ESAM: variants seen among roughly 807,000 people sequenced by gnomAD.
ESAM encodes endothelial cell-selective adhesion molecule.
A neutral mutation model predicts 31.8 loss-of-function variants in ESAM; 23 were observed. The ratio of observed to expected loss-of-function variants is 0.72; its 90% CI spans 0.52 to 1.03. ESAM has a LOEUF of 1.03. Among genes scored for constraint, ESAM ranks in the 50% least tolerant of loss-of-function variants. The pLI is 0.00. For synonymous variants in ESAM, 216 were observed against 207.2 expected (o/e 1.04, Z -0.37); for missense variants, 478 against 488.9 (o/e 0.98, Z 0.21).
chr11:124,762,195 G>C lies in ESAM; in HGVS notation c.-41C>G, dbSNP rs771512227. On this transcript the variant is annotated 5_prime_UTR_variant, in exon 1 of 7. Transcript: ENST00000278927. The surrounding 1 kb of genome is among the most constrained non-coding windows in gnomAD (Gnocchi z 6.4). ...GGACGGAGTCAGGGGCGCCAGCCGC[G>C]GGACGCACGGACCTGCAGGTGCCGA... is the stretch of plus-strand genomic sequence containing the variant. 6.5e-6 allele frequency: 10 copies of C among 1,532,664 alleles called. No individual in the cohort carries two copies. The highest frequency in any genetic ancestry group is 6.2e-6 in the Non-Finnish European group (7 of 1,125,836). 94.9% of individuals were successfully genotyped at this position (1,532,664 alleles called of 1,614,324 possible).
chr11:124,753,852 G>A lies in ESAM; in HGVS notation c.967C>T (p.His323Tyr), dbSNP rs762607667. The A allele has an allele frequency of 1.9e-5, 30 of 1,613,698 alleles. No individual in the cohort carries two copies. The Admixed American group carries it at 5.0e-4, about 27-fold the overall frequency. Residue 323 changes from histidine to tyrosine, a missense_variant, in exon 7 of 7, where the codon CAT becomes TAT. Coordinates refer to ENST00000278927, the MANE Select transcript of ESAM (RefSeq NM_138961.3). ...AATGCACCAGGCCTGGGAGGGCCAT[G>A]GGGTGGCCGGAGGGCTCGTGCGGAG... is the stretch of plus-strand genomic sequence containing the variant. ...VTSARALRPP[H>Y]GPPRPGALTP...
chr11:124,759,515 G>A lies in ESAM; in HGVS notation c.71-988C>T, dbSNP rs1052909484. 1.1e-4 allele frequency: 17 copies of A among 152,504 alleles called. No individual in the cohort carries two copies. The South Asian group carries it at 3.5e-3, about 32-fold the overall frequency. The allele number at this position is 152,504 out of a possible 1,614,324, so 9.4% of individuals were successfully genotyped here. On this transcript the variant is annotated intron_variant, in intron 1 of 6. Transcript: ENST00000278927. The surrounding 1 kb of genome is among the most constrained non-coding windows in gnomAD (Gnocchi z 6.8). ...TACTCCCTCCAGGCCTCGGCCCTCT[G>A]CCTCGGAGCGGAAGACGCCACCTCC...
intron 1 of ESAM, among the ~76,000 whole-genome samples, chr11:124,760,514 C>A (rs2134463571): frequency 6.6e-6 from 1 of 152,374 alleles, no homozygotes; most frequent in Non-Finnish European, 1.5e-5. Flanking sequence ...CAGCACTGAG[C>A]CGCCGAGGAG....
rs556182609 is a variant in ESAM, at chr11:124,756,083, C to T, written c.607+124G>A. On this transcript the variant is annotated intron_variant, in intron 4 of 6. Coordinates refer to ENST00000278927, the MANE Select transcript of ESAM (RefSeq NM_138961.3). ...CTTTCTCTGCCCCACATCCTCCCCA[C>T]ATCCTCCTCCTCCTCCCCAGTGCTT... 47 of 1,354,792 alleles carry T rather than the reference C, an allele frequency of 3.5e-5. No homozygotes were observed. The African/African-American group carries it at 5.7e-4, about 16-fold the overall frequency. The allele number at this position is 1,354,792 out of a possible 1,614,324, so 83.9% of individuals were successfully genotyped here.
Position 124,753,638 on chromosome 11 carries a change from T to G in ESAM, c.*8A>C. 1 of 1,613,114 alleles carries G rather than the reference T, an allele frequency of 6.2e-7. No individual in the cohort carries two copies. The highest frequency in any genetic ancestry group is 1.3e-5 in the African/African-American group (1 of 74,960). ...CCCAAATCCTTTAGCCAATGAGTGGTGGGGTCATCATACCAGAGAGCCAGC... is the reference window on the plus strand; with the variant it reads ...CCCAAATCCTTTAGCCAATGAGTGGGGGGGTCATCATACCAGAGAGCCAGC... On this transcript the variant is annotated 3_prime_UTR_variant, in exon 7 of 7. Coordinates refer to ENST00000278927, the MANE Select transcript of ESAM (RefSeq NM_138961.3).
At position 124,762,145 on chromosome 11, in the gene ESAM, G is replaced by A. The variant is rs1325353066; in HGVS notation, c.10C>T (p.Leu4Phe). The change falls in exon 1 of 7, where the codon CTC becomes TTC. Residue 4 changes from leucine to phenylalanine, a missense_variant. Transcript: ENST00000278927. This position sits in a 1 kb window ranked among gnomAD's most constrained non-coding sequence, Gnocchi z 6.4. MIS[L>F]PGPLVTNLLR... Reference sequence around the variant, plus strand: ...AAGTTGGTCACCAGGGGCCCCGGGAGGGAAATCATGGCCCTCCCTGGCCGG... The same window carrying A: ...AAGTTGGTCACCAGGGGCCCCGGGAAGGAAATCATGGCCCTCCCTGGCCGG... 3.1e-6 allele frequency: 5 copies of A among 1,609,532 alleles called. No homozygotes were observed. Among genetic ancestry groups the A allele is most frequent in the Admixed American group, 1.7e-5 (1 of 59,736 alleles).
At position 124,758,484 on chromosome 11, in the gene ESAM, G is replaced by T. The variant is rs1400570781; in HGVS notation, c.114C>A (p.Asn38Lys). 1 of 1,607,962 alleles carries T rather than the reference G, an allele frequency of 6.2e-7. No individual in the cohort carries two copies. ...RAQLQLHLPA[N>K]RLQAVEGGEV... ...CCCCTCCCTCCACCGCCTGCAACCG[G>T]TTGGCGGGCAAGTGCAGTTGCAGCT... The change falls in exon 2 of 7, where the codon AAC becomes AAA. Residue 38 changes from asparagine to lysine, a missense_variant. Transcript: ENST00000278927.
At position 124,754,381 on chromosome 11, in the gene ESAM, G is replaced by A; in HGVS notation, c.731-41C>T. 6.2e-7 allele frequency: 1 copy of A among 1,608,614 alleles called. No homozygotes were observed. Among genetic ancestry groups the A allele is most frequent in the East Asian group, 2.2e-5 (1 of 44,792 alleles). On this transcript the variant is annotated intron_variant, in intron 5 of 6. Transcript: ENST00000278927. The surrounding 1 kb of genome is among the most constrained non-coding windows in gnomAD (Gnocchi z 4.5). ...TGTCAGAGGAGGACACCCAGCTGAG[G>A]GGTTCTCACCCCTCTCCAATCCCAC...
intron 1 of ESAM, among the ~76,000 whole-genome samples, chr11:124,760,430 T>C (rs934332386): frequency 3.3e-5 from 5 of 152,158 alleles, no homozygotes; most frequent in African/African-American, 1.2e-4. Context: ...ATGGGCCCGC[T>C]CCCCGGGGCT....
rs1460912092 is a variant in ESAM, at chr11:124,756,742, C to G, written c.250G>C (p.Val84Leu). The G allele has an allele frequency of 2.1e-5, 34 of 1,613,932 alleles. No homozygotes were observed. The highest frequency in any genetic ancestry group is 2.7e-5 in the Non-Finnish European group (32 of 1,180,014). The change falls in exon 3 of 7, where the codon GTG becomes CTG. Residue 84 changes from valine (V) to leucine (L), a missense_variant and splice_region_variant. Coordinates refer to ENST00000278927, the MANE Select transcript of ESAM (RefSeq NM_138961.3). Reference protein sequence around the residue: ...FFKQKEKEDQVLSYINGVTTS... With the variant: ...FFKQKEKEDQLLSYINGVTTS... ...GTGACCCCATTGATGTAGGACAACA[C>G]CTGGTGTGGGGCATAACACATCCCC... is the stretch of plus-strand genomic sequence containing the variant.
At chr11:124,760,248 C>A (rs1418566529) in intron 1 of ESAM, among the ~76,000 whole-genome samples, 1 of 152,222 alleles carries the variant, frequency 6.6e-6, no homozygotes, top group African/African-American at 2.4e-5. Context: ...CGGAAGTCAC[C>A]AACTGGTCCG....
intron 4 of ESAM, 115 bp downstream of exon 4, chr11:124,756,092 C>T: frequency 7.0e-7 from 1 of 1,423,010 alleles, no homozygotes; most frequent in South Asian, 1.3e-5. Flanking sequence ...ACATCCTCCT[C>T]CTCCTCCCCA....
Position 124,754,400 on chromosome 11 carries a change from A to G in ESAM, c.731-60T>C. ...GCTGAGGGGTTCTCACCCCTCTCCA[A>G]TCCCACTCTCCCCACCCCATCTGCC... On this transcript the variant is annotated intron_variant, in intron 5 of 6. Coordinates refer to ENST00000278927, the MANE Select transcript of ESAM (RefSeq NM_138961.3). This position sits in a 1 kb window ranked among gnomAD's most constrained non-coding sequence, Gnocchi z 4.5. The G allele has an allele frequency of 6.3e-7, 1 of 1,588,466 alleles. No individual in the cohort carries two copies. The highest frequency in any genetic ancestry group is 8.6e-7 in the Non-Finnish European group (1 of 1,167,286).
Position 124,753,848 on chromosome 11 carries a change from C to A in ESAM, c.971G>T (p.Gly324Val), listed in dbSNP as rs773778811. 38 of 1,613,422 alleles carry A rather than the reference C, an allele frequency of 2.4e-5. No individual in the cohort carries two copies. Among genetic ancestry groups the A allele is most frequent in the Non-Finnish European group, 3.1e-5 (37 of 1,179,784 alleles). Reference sequence around the variant, plus strand: ...GGTCAATGCACCAGGCCTGGGAGGGCCATGGGGTGGCCGGAGGGCTCGTGC... The same window carrying A: ...GGTCAATGCACCAGGCCTGGGAGGGACATGGGGTGGCCGGAGGGCTCGTGC... ...TSARALRPPHGPPRPGALTPT... is the reference protein window; with the variant it reads ...TSARALRPPHVPPRPGALTPT... Residue 324 changes from glycine to valine, a missense_variant, in exon 7 of 7, where the codon GGC (glycine) becomes GTC (valine). Gly to Val is a moderately radical substitution (Grantham distance 109). Coordinates refer to ENST00000278927, the MANE Select transcript of ESAM (RefSeq NM_138961.3).
At chr11:124,757,093 A>G (rs1169073624) in intron 2 of ESAM, 1 of 237,428 alleles carries the variant, frequency 4.2e-6, no homozygotes, top group Non-Finnish European at 8.2e-6. Flanking sequence ...AAACTTACAC[A>G]ATGGGGAAGG....
At chr11:124,758,087 C>T (rs1944177727) in intron 2 of ESAM, among the ~76,000 whole-genome samples, 1 of 152,168 alleles carries the variant, frequency 6.6e-6, no homozygotes, top group South Asian at 2.1e-4. Context: ...TCCTCCTCTC[C>T]TCCCTCATAA....
rs532911268 is a variant in ESAM at position 124,761,756 on chromosome 11, C to A, written c.70+329G>T. ...GCTCTTTAGCCAGTGTCTCATCTAGCGGCTCAGCTCATCCGGCTCTGCTGG... is the reference window on the plus strand; with the variant it reads ...GCTCTTTAGCCAGTGTCTCATCTAGAGGCTCAGCTCATCCGGCTCTGCTGG... On this transcript the variant is annotated intron_variant, in intron 1 of 6. Transcript: ENST00000278927. Among the ~76,000 whole-genome samples, 74 of 137,048 alleles carry A rather than the reference C, an allele frequency of 5.4e-4. No homozygotes were observed. In the South Asian group the frequency reaches 0.014, roughly 26 times the overall value. The allele number at this position is 137,048 out of a possible 152,430, so 89.9% of individuals were successfully genotyped here. A position where few individuals can be genotyped will look rare whatever the true frequency, so the allele number is the denominator to read the frequency against.
chr11:124,762,165 G>A lies in ESAM; in HGVS notation c.-11C>T. On this transcript the variant is annotated 5_prime_UTR_variant, in exon 1 of 7. Transcript: ENST00000278927. This position sits in a 1 kb window ranked among gnomAD's most constrained non-coding sequence, Gnocchi z 6.4. ...CGGGAGGGAAATCATGGCCCTCCCT[G>A]GCCGGGACGGAGTCAGGGGCGCCAG... 1 of 1,603,218 alleles carries A rather than the reference G, an allele frequency of 6.2e-7. No homozygotes were observed. The highest frequency in any genetic ancestry group is 8.5e-7 in the Non-Finnish European group (1 of 1,175,012).
chr11:124,761,996 G>A, intron 1 of ESAM, 89 bp downstream of exon 1: 1 of 1,192,700 alleles, frequency 8.4e-7, no homozygotes, highest in Non-Finnish European at 1.2e-6. Context: ...GTGGGACCCA[G>A]TTCCGCAGCA....
Sources: gnomAD v4.1 joint callset for allele counts (sites outside exome capture counted in the v4.1 genomes callset) on GRCh38, gnomAD v4.1.1 for gene constraint, Gnocchi (gnomAD v3.1) non-coding constraint, MANE v1.5 for transcripts, NCBI Gene and HGNC (gene_info 2026-07-23, HGNC 2026-07-21) for gene names.